The following HMGB1 variants were observed in gnomAD, a reference collection of about 807,000 sequenced individuals.
The protein encoded by HMGB1 is high mobility group box 1, also known as high mobility group protein B1.
For synonymous variants in HMGB1, 81 were observed against 84.0 expected (o/e 0.96, Z 0.19); for missense variants, 79 against 253.5 (o/e 0.31, Z 4.67).
At chr13:30,567,116 C>G (rs1224197554) in intron 1 of HMGB1, among the ~76,000 whole-genome samples, 4 of 152,182 alleles carry the variant, frequency 2.6e-5, no homozygotes, top group African/African-American at 9.7e-5. Context: ...ATTTTAGGCA[C>G]AGTTACTAGT....
intron 1 of HMGB1, among the ~76,000 whole-genome samples, chr13:30,488,990 G>A (rs1593271649): frequency 6.6e-6 from 1 of 152,114 alleles, no homozygotes; most frequent in Non-Finnish European, 1.5e-5. Context: ...TGAACATTCA[G>A]TGCCAATATT....
At chr13:30,544,098 A>C (rs904476675) in intron 1 of HMGB1, among the ~76,000 whole-genome samples, 4 of 152,196 alleles carry the variant, frequency 2.6e-5, no homozygotes, top group African/African-American at 9.7e-5. Flanking sequence ...GGTGACTGCC[A>C]TGTGGGCAGG....
At chr13:30,570,580 TA>T (rs569178263) in intron 1 of HMGB1, among the ~76,000 whole-genome samples, 79 of 152,362 alleles carry the variant, frequency 5.2e-4, no homozygotes, top group African/African-American at 1.8e-3. Flanking sequence ...TGAGCTTTTG[TA>T]AATCATCTTT....
intron 1 of HMGB1, among the ~76,000 whole-genome samples, chr13:30,596,236 T>C (rs1186556969): frequency 6.6e-6 from 1 of 152,210 alleles, no homozygotes; most frequent in East Asian, 1.9e-4. Flanking sequence ...AGAATATATA[T>C]AAAGAAAGAC....
At chr13:30,496,924 C>T (rs755421458) in intron 1 of HMGB1, among the ~76,000 whole-genome samples, 20 of 152,086 alleles carry the variant, frequency 1.3e-4, no homozygotes, top group African/African-American at 3.1e-4. Context: ...CCGTCATGCC[C>T]GGAGCCTCAC....
intron 1 of HMGB1, among the ~76,000 whole-genome samples, chr13:30,535,168 C>G (rs1237230681): frequency 6.6e-6 from 1 of 152,158 alleles, no homozygotes; most frequent in African/African-American, 2.4e-5. Context: ...TCTTTCTGCC[C>G]TATCACAGAA....
rs1393431513 is a variant in HMGB1, at chr13:30,571,335, C to T, written c.-15+45336G>A. ...TCCGAGATGGAGTCTCGCTCTCTCG[C>T]CCAGGCTGGAGTGCAGTGGCGCAAT... On this transcript the variant is annotated intron_variant, in intron 1 of 4. Coordinates refer to the HMGB1 transcript ENST00000405805. Among the ~76,000 whole-genome samples, 6 of 151,130 alleles carry T rather than the reference C, an allele frequency of 4.0e-5. No homozygotes were observed. The East Asian group carries it at 9.7e-4, about 24-fold the overall frequency.
intron 1 of HMGB1, among the ~76,000 whole-genome samples, chr13:30,556,780 A>G (rs1038580297): frequency 1.1e-4 from 16 of 152,266 alleles, no homozygotes; most frequent in African/African-American, 3.9e-4. Flanking sequence ...GAGATTTGTT[A>G]AAAGATACAA....
At chr13:30,581,505 G>T (rs1870899148) in intron 1 of HMGB1, among the ~76,000 whole-genome samples, 1 of 152,184 alleles carries the variant, frequency 6.6e-6, no homozygotes, top group Non-Finnish European at 1.5e-5. Flanking sequence ...GGGTGGTTGG[G>T]GCAGGGGTCA....
intron 1 of HMGB1, among the ~76,000 whole-genome samples, chr13:30,514,572 G>C (rs565117198): frequency 5.9e-5 from 9 of 152,132 alleles, no homozygotes; most frequent in African/African-American, 1.9e-4. Flanking sequence ...AGCACTGATT[G>C]TAGTATTCAT....
chr13:30,477,956 A>C (rs1434485539), intron 1 of HMGB1, among the ~76,000 whole-genome samples: 2 of 152,098 alleles, frequency 1.3e-5, no homozygotes, highest in Admixed American at 1.3e-4. Context: ...ACAACAAAAA[A>C]CGTGTATGCT....
At chr13:30,507,513 CAGAA>C (rs1164141015) in intron 1 of HMGB1, among the ~76,000 whole-genome samples, 2 of 152,192 alleles carry the variant, frequency 1.3e-5, no homozygotes, top group African/African-American at 4.8e-5. Context: ...TCTGTCACCG[CAGAA>C]AGACAGACTG....
intron 1 of HMGB1, among the ~76,000 whole-genome samples, chr13:30,550,619 C>T (rs552597284): frequency 1.1e-4 from 17 of 152,276 alleles, no homozygotes; most frequent in African/African-American, 4.1e-4. Context: ...GAGGGACCCT[C>T]GGATGACACA....
chr13:30,529,705 A>G lies in HMGB1; in HGVS notation c.-14-66011T>C, dbSNP rs540227569. Among the ~76,000 whole-genome samples the G allele has an allele frequency of 1.1e-4, 17 of 152,338 alleles. No individual in the cohort carries two copies. The South Asian group carries it at 3.1e-3, about 28-fold the overall frequency. On this transcript the variant is annotated intron_variant, in intron 1 of 4. Transcript: ENST00000405805. ...GACACGATTTCTATCGTTGTGAACAAAGGTGAATAGATAGATGGCCCATTT... is the reference window on the plus strand; with the variant it reads ...GACACGATTTCTATCGTTGTGAACAGAGGTGAATAGATAGATGGCCCATTT...
At chr13:30,564,327 C>T (rs934402340) in intron 1 of HMGB1, among the ~76,000 whole-genome samples, 4 of 150,972 alleles carry the variant, frequency 2.6e-5, no homozygotes, top group Admixed American at 1.3e-4. Context: ...GTGGCTTATG[C>T]CTGCAGTCCC....
Position 30,502,644 on chromosome 13 carries a change from TTTTA to T in HMGB1, c.-14-38954_-14-38951del, listed in dbSNP as rs1354675440. Among the ~76,000 whole-genome samples, 15 of 80,210 alleles carry T rather than the reference TTTTA, an allele frequency of 1.9e-4. No individual in the cohort carries two copies. In the Admixed American group the frequency reaches 2.1e-3, roughly 11 times the overall value. The allele number at this position is 80,210 out of a possible 152,430, so 52.6% of individuals were successfully genotyped here. ...GGTATGCAGATTTTACTTTACTTTA[TTTTA>T]TTTATTTTATTTTATTTTATTTTAT... is the stretch of plus-strand genomic sequence containing the variant. On this transcript the variant is annotated intron_variant, in intron 1 of 4. Transcript: ENST00000405805.
chr13:30,539,710 T>C (rs1167150595), intron 1 of HMGB1: 6 of 197,124 alleles, frequency 3.0e-5, no homozygotes, highest in Non-Finnish European at 6.4e-5. Context: ...AACCTGATAG[T>C]ACGGGGAGTG....
At chr13:30,529,357 C>T (rs1011252077) in intron 1 of HMGB1, among the ~76,000 whole-genome samples, 4 of 152,120 alleles carry the variant, frequency 2.6e-5, no homozygotes, top group African/African-American at 9.7e-5. Flanking sequence ...TGCTGGGTCA[C>T]GGATGTCCTA....
chr13:30,481,535 C>T (rs372718985), intron 1 of HMGB1, among the ~76,000 whole-genome samples: 5 of 152,342 alleles, frequency 3.3e-5, no homozygotes, highest in Admixed American at 1.3e-4. Flanking sequence ...GGACCCAAGG[C>T]GGAGGCCTGG....
Sources: allele counts gnomAD v4.1 joint callset (sites outside exome capture counted in the v4.1 genomes callset), GRCh38; gene constraint gnomAD v4.1.1; transcripts MANE v1.5; gene names NCBI Gene and HGNC (gene_info 2026-07-23, HGNC 2026-07-21).